WWOX: variants seen among roughly 807,000 people sequenced by gnomAD.
WWOX encodes WW domain containing oxidoreductase, also known as WW domain-containing oxidoreductase.
In WWOX, 69 loss-of-function variants were observed where a neutral mutation model predicts 46.2. The observed-to-expected ratio is 1.49, with a 90% CI of 1.23 to 1.82. The LOEUF (loss-of-function observed/expected upper bound fraction) is 1.82. Ranked by LOEUF, WWOX falls within the 40% of genes most tolerant of loss-of-function variation. The pLI, the probability that WWOX is intolerant of heterozygous loss-of-function variation, is 0.00. For missense variants in WWOX, 919 were observed against 542.6 expected (o/e 1.69, Z -6.89); for synonymous variants, 359 against 202.6 (o/e 1.77, Z -6.56).
At chr16:78,452,645 A>T (rs531275676) in intron 8 of WWOX, among the ~76,000 whole-genome samples, 1 of 149,612 alleles carries the variant, frequency 6.7e-6, no homozygotes, top group African/African-American at 2.5e-5. Flanking sequence ...CTGGCTAATT[A>T]TTATGTTTTT....
intron 7 of WWOX, among the ~76,000 whole-genome samples, chr16:78,429,860 A>G (rs976132229): frequency 5.9e-5 from 9 of 152,234 alleles, no homozygotes; most frequent in African/African-American, 2.2e-4. Context: ...TGCTTGGGCC[A>G]GGCTACAGGA....
intron 5 of WWOX, among the ~76,000 whole-genome samples, chr16:78,233,678 C>A (rs1292358001): frequency 6.6e-6 from 1 of 151,962 alleles, no homozygotes; most frequent in Non-Finnish European, 1.5e-5. Context: ...AGGCGCCTGC[C>A]ACTACACCTG....
At chr16:78,385,921 G>C (rs565922463) in intron 5 of WWOX, among the ~76,000 whole-genome samples, 33 of 152,314 alleles carry the variant, frequency 2.2e-4, no homozygotes, top group African/African-American at 7.7e-4. Flanking sequence ...AGATTTAAAA[G>C]TTGGGAGTGG....
At chr16:78,707,892 A>G (rs898196447) in intron 8 of WWOX, among the ~76,000 whole-genome samples, 4 of 150,126 alleles carry the variant, frequency 2.7e-5, no homozygotes, top group Admixed American at 6.6e-5. Flanking sequence ...TAAATAAAGT[A>G]TCTGTCCCCA....
chr16:78,619,781 T>C (rs911625485), intron 8 of WWOX, among the ~76,000 whole-genome samples: 6 of 151,860 alleles, frequency 4.0e-5, no homozygotes, highest in African/African-American at 1.5e-4. Context: ...TGGGGGTGCA[T>C]GTCTGTGGTC....
chr16:78,543,166 T>G lies in WWOX; in HGVS notation c.1056+110414T>G, dbSNP rs556852525. On this transcript the variant is annotated intron_variant, in intron 8 of 8. Transcript: ENST00000566780. The stretch of plus-strand genomic sequence containing the variant: ...GGACCCGGACTTATAGAGTCTGTGA[T>G]CTCACAGCTGCTACATCTGGCACAG... Among the ~76,000 whole-genome samples the G allele has an allele frequency of 2.4e-3, 369 of 152,330 alleles. 4 individuals carry two copies. The Middle Eastern group carries it at 0.044, about 18-fold the overall frequency.
At chr16:78,429,813 T>C (rs2083175486) in intron 7 of WWOX, among the ~76,000 whole-genome samples, 1 of 152,094 alleles carries the variant, frequency 6.6e-6, no homozygotes, top group Admixed American at 6.6e-5. Flanking sequence ...AAAGAAAAAA[T>C]AACTGAAACA....
At chr16:78,925,489 A>C (rs546927105) in intron 8 of WWOX, among the ~76,000 whole-genome samples, 6 of 152,322 alleles carry the variant, frequency 3.9e-5, no homozygotes, top group South Asian at 2.1e-4. Context: ...TCCTGCTTTA[A>C]GTTCCCAGCG....
intron 8 of WWOX, among the ~76,000 whole-genome samples, chr16:78,469,796 T>C (rs1421848805): frequency 1.3e-5 from 2 of 152,204 alleles, no homozygotes; most frequent in African/African-American, 2.4e-5. Flanking sequence ...TTCCTCTCAG[T>C]GCTAGCCAGC....
intron 8 of WWOX, among the ~76,000 whole-genome samples, chr16:78,576,073 A>G (rs1394964192): frequency 6.6e-6 from 1 of 152,128 alleles, no homozygotes; most frequent in Non-Finnish European, 1.5e-5. Context: ...GAAGCACAAT[A>G]TAATATTGAA....
intron 8 of WWOX, among the ~76,000 whole-genome samples, chr16:79,096,315 C>T (rs961445363): frequency 6.6e-6 from 1 of 152,150 alleles, no homozygotes; most frequent in African/African-American, 2.4e-5. Flanking sequence ...TCCCCTGTTA[C>T]TCGGAGTGCA....
At chr16:78,591,632 G>C (rs868318107) in intron 8 of WWOX, among the ~76,000 whole-genome samples, 1 of 152,146 alleles carries the variant, frequency 6.6e-6, no homozygotes, top group African/African-American at 2.4e-5. Context: ...TGAGTTCTCT[G>C]AGTCTCAGCT....
chr16:78,813,804 T>C (rs1223688591), intron 8 of WWOX, among the ~76,000 whole-genome samples: 2 of 152,238 alleles, frequency 1.3e-5, no homozygotes, highest in African/African-American at 2.4e-5. Flanking sequence ...CAGCTCATTT[T>C]ATTTTTTTTC....
intron 8 of WWOX, among the ~76,000 whole-genome samples, chr16:78,706,423 C>A (rs778486034): frequency 6.6e-6 from 1 of 152,090 alleles, no homozygotes; most frequent in Non-Finnish European, 1.5e-5. Flanking sequence ...CTTCCCGATT[C>A]CATTTCAGAT....
intron 5 of WWOX, among the ~76,000 whole-genome samples, chr16:78,310,894 C>G (rs1181237945): frequency 6.6e-6 from 1 of 152,184 alleles, no homozygotes; most frequent in Non-Finnish European, 1.5e-5. Flanking sequence ...TAGGGGCACC[C>G]TTGTTGTCAC....
At chr16:78,226,269 C>T (rs1273056180) in intron 5 of WWOX, among the ~76,000 whole-genome samples, 1 of 152,038 alleles carries the variant, frequency 6.6e-6, no homozygotes. Flanking sequence ...CTGATGCCTC[C>T]CAGCCATCAA....
At chr16:79,005,700 G>C (rs2047176994) in intron 8 of WWOX, among the ~76,000 whole-genome samples, 1 of 152,120 alleles carries the variant, frequency 6.6e-6, no homozygotes, top group Admixed American at 6.5e-5. Context: ...CTTGGATTTA[G>C]AGCCCACCCT....
At chr16:79,208,267 C>T (rs1597481255) in intron 8 of WWOX, among the ~76,000 whole-genome samples, 1 of 152,120 alleles carries the variant, frequency 6.6e-6, no homozygotes, top group East Asian at 1.9e-4. Flanking sequence ...AATTCTCAGT[C>T]CTGTGTCGTC....
chr16:78,502,067 G>A (rs779627878), intron 8 of WWOX, among the ~76,000 whole-genome samples: 3 of 152,162 alleles, frequency 2.0e-5, no homozygotes, highest in Admixed American at 2.0e-4. Context: ...TTCTCTGGAT[G>A]CTAATGCTAT....
Sources: allele counts gnomAD v4.1 joint callset (sites outside exome capture counted in the v4.1 genomes callset), GRCh38; gene constraint gnomAD v4.1.1; transcripts MANE v1.5; gene names NCBI Gene and HGNC (gene_info 2026-07-23, HGNC 2026-07-21).